The following SMYD3 variants were observed in gnomAD, a reference collection of about 807,000 sequenced individuals.
SMYD3 encodes the protein histone-lysine N-methyltransferase SMYD3.
SMYD3 carries 36 observed loss-of-function variants against 57.7 expected under a neutral mutation model. The observed-to-expected ratio is 0.62, with a 90% CI of 0.48 to 0.82. SMYD3 has a LOEUF of 0.82. SMYD3 is among the 40% of genes least tolerant of loss of function. SMYD3 has a pLI of 0.00. For synonymous variants in SMYD3, 211 were observed against 195.0 expected, an observed-to-expected ratio of 1.08 and a Z score of -0.68; for missense variants, 515 against 538.8, an observed-to-expected ratio of 0.96 and a Z score of 0.44.
intron 1 of SMYD3, among the ~76,000 whole-genome samples, chr1:246,381,491 A>G (rs1469210718): frequency 6.6e-6 from 1 of 152,212 alleles, no homozygotes; most frequent in Non-Finnish European, 1.5e-5. Flanking sequence ...AGTTGCATAC[A>G]CAAACCGCAA....
intron 5 of SMYD3, among the ~76,000 whole-genome samples, chr1:246,314,534 G>T (rs2065126478): frequency 6.6e-6 from 1 of 152,150 alleles, no homozygotes; most frequent in African/African-American, 2.4e-5. Flanking sequence ...TAAAACAAAG[G>T]AGTGCGGCAC....
chr1:246,044,445 C>A (rs60265504), intron 5 of SMYD3, among the ~76,000 whole-genome samples: 3,016 of 152,176 alleles, frequency 0.02, 139 homozygotes, highest in East Asian at 0.16. Flanking sequence ...AATGATGATG[C>A]CAGTACAAGA....
intron 5 of SMYD3, among the ~76,000 whole-genome samples, chr1:245,986,839 T>C (rs571373685): frequency 6.6e-6 from 1 of 152,338 alleles, no homozygotes; most frequent in East Asian, 1.9e-4. Context: ...AATCGTGCCT[T>C]ACAAGTATTT....
At chr1:245,795,812 CT>C (rs1325716982) in intron 10 of SMYD3, among the ~76,000 whole-genome samples, 10 of 152,208 alleles carry the variant, frequency 6.6e-5, no homozygotes, top group Non-Finnish European at 1.5e-5. Flanking sequence ...CCCTCTCTCC[CT>C]AAATACTATT....
chr1:245,894,842 T>G (rs565826417), intron 8 of SMYD3, among the ~76,000 whole-genome samples: 37 of 152,252 alleles, frequency 2.4e-4, no homozygotes, highest in Admixed American at 5.2e-4. Flanking sequence ...TAGAAAAGAA[T>G]GTGTGTGCAA....
intron 10 of SMYD3, among the ~76,000 whole-genome samples, chr1:245,840,968 C>T (rs2148418411): frequency 1.3e-5 from 2 of 152,334 alleles, no homozygotes; most frequent in African/African-American, 4.8e-5. Flanking sequence ...CCAAACTATA[C>T]TGCATGAAAG....
rs1255444900 is a variant in SMYD3, at chr1:246,080,304, C to T, written c.532-150367G>A. On this transcript the variant is annotated intron_variant, in intron 5 of 11. Transcript: ENST00000490107. ...TGGATTCTCATGGAGGGTGAGCAGG[C>T]ATGACCACTGGAGCTCAGAAAAGTG... Among the ~76,000 whole-genome samples, 7 of 152,076 alleles carry T rather than the reference C, an allele frequency of 4.6e-5. No homozygotes were observed. In the East Asian group the frequency reaches 1.4e-3, roughly 29 times the overall value.
chr1:246,056,671 C>CTGGCCGGGCGCGGTGGCTCACACCTGT (rs1572954775), intron 5 of SMYD3, among the ~76,000 whole-genome samples: 1 of 151,584 alleles, frequency 6.6e-6, no homozygotes. Context: ...GATAAATGTT[C>CTGGCCGGGCGCGGTGGCTCACACCTGT]AAGCTGATGG....
At chr1:246,132,965 T>C (rs1320943363) in intron 5 of SMYD3, among the ~76,000 whole-genome samples, 1 of 151,828 alleles carries the variant, frequency 6.6e-6, no homozygotes, top group Non-Finnish European at 1.5e-5. Context: ...ATGGCTACTA[T>C]CAAATAAACA....
In SMYD3 at chr1:246,197,680, T is replaced by A. The variant is rs10802344; in HGVS notation, c.531+129521A>T. 3.3e-5 allele frequency among the ~76,000 whole-genome samples: 5 copies of A among 151,834 alleles called. No individual in the cohort carries two copies. The East Asian group carries it at 7.8e-4, about 24-fold the overall frequency. Reference sequence around the variant, plus strand: ...CTGTGTGGCATACTGGTACAGACACTGGGTAAAATCCAAGGGAATCTGAAT... The same window carrying A: ...CTGTGTGGCATACTGGTACAGACACAGGGTAAAATCCAAGGGAATCTGAAT... On this transcript the variant is annotated intron_variant, in intron 5 of 11. Transcript: ENST00000490107.
intron 1 of SMYD3, among the ~76,000 whole-genome samples, chr1:246,385,724 A>G (rs988295368): frequency 2.0e-5 from 3 of 151,888 alleles, no homozygotes. Context: ...AACTGTGTAG[A>G]GCGGTGCTTT....
rs182799591 is a variant in SMYD3, at chr1:246,355,403, A to G, written c.165-309T>C. On this transcript the variant is annotated intron_variant, in intron 1 of 11. Transcript: ENST00000490107. This position sits in a 1 kb window ranked among gnomAD's most constrained non-coding sequence, Gnocchi z 5.0. The stretch of plus-strand genomic sequence containing the variant: ...ACTCACACTGTGAACTTTTGATCCA[A>G]CAACTGCCACAGCAACATACCAGGT... The G allele has an allele frequency of 6.8e-6, 2 of 293,044 alleles. No individual in the cohort carries two copies. The highest frequency in any genetic ancestry group is 9.8e-5 in the Admixed American group (2 of 20,458). 18.2% of individuals were successfully genotyped at this position (293,044 alleles called of 1,614,324 possible).
At chr1:246,286,338 C>G (rs1558378012) in intron 5 of SMYD3, among the ~76,000 whole-genome samples, 1 of 151,468 alleles carries the variant, frequency 6.6e-6, no homozygotes, top group African/African-American at 2.4e-5. Context: ...AAACACAGCA[C>G]TTTTTTTTTA....
At chr1:246,349,770 A>T (rs2065791917) in intron 2 of SMYD3, among the ~76,000 whole-genome samples, 1 of 152,222 alleles carries the variant, frequency 6.6e-6, no homozygotes, top group Admixed American at 6.5e-5. Flanking sequence ...AAAAGGAGAT[A>T]TATCTATATC....
intron 5 of SMYD3, among the ~76,000 whole-genome samples, chr1:245,988,107 AACAC>A (rs35432668): frequency 0.53 from 78,219 of 148,454 alleles, 21,266 homozygotes; most frequent in Non-Finnish European, 0.61. Context: ...AACCAAACCA[AACAC>A]ACACACACAC....
chr1:246,152,587 ATG>A (rs1431306478), intron 5 of SMYD3, among the ~76,000 whole-genome samples: 2 of 152,226 alleles, frequency 1.3e-5, no homozygotes, highest in Non-Finnish European at 2.9e-5. Context: ...ATTTAATTGC[ATG>A]TAATTTCATT....
chr1:246,182,147 A>G (rs1054318013), intron 5 of SMYD3, among the ~76,000 whole-genome samples: 3 of 152,210 alleles, frequency 2.0e-5, no homozygotes, highest in Non-Finnish European at 4.4e-5. Flanking sequence ...TTCTCATCGT[A>G]ACTGAAATCC....
At chr1:246,220,066 T>C (rs2063229289) in intron 5 of SMYD3, among the ~76,000 whole-genome samples, 1 of 152,164 alleles carries the variant, frequency 6.6e-6, no homozygotes, top group Non-Finnish European at 1.5e-5. Flanking sequence ...TCATTTGATT[T>C]CAAATATAAT....
intron 5 of SMYD3, among the ~76,000 whole-genome samples, chr1:245,936,600 T>C (rs958963570): frequency 1.3e-5 from 2 of 152,114 alleles, no homozygotes; most frequent in African/African-American, 4.8e-5. Flanking sequence ...ATTTAAAAAT[T>C]TGTGTTGATT....
Sources: gnomAD v4.1 joint callset for allele counts (sites outside exome capture counted in the v4.1 genomes callset) on GRCh38, gnomAD v4.1.1 for gene constraint, Gnocchi (gnomAD v3.1) non-coding constraint, MANE v1.5 for transcripts, NCBI Gene and HGNC (gene_info 2026-07-23, HGNC 2026-07-21) for gene names.